Variants in FANCC observed in about 807,000 individuals in gnomAD.
FANCC encodes Fanconi anemia group C protein.
FANCC carries 55 observed loss-of-function variants against 71.3 expected under a neutral mutation model. That is an observed-to-expected ratio of 0.77 (90% confidence interval 0.62 to 0.97). FANCC has a LOEUF of 0.97. FANCC is among the 50% of genes least tolerant of loss of function. FANCC has a pLI of 0.00. For synonymous variants in FANCC, 275 were observed against 244.9 expected, an observed-to-expected ratio of 1.12 and a Z score of -1.15; for missense variants, 678 against 670.9, an observed-to-expected ratio of 1.01 and a Z score of -0.12.
At chr9:95,203,932 C>G (rs1279129539) in intron 4 of FANCC, among the ~76,000 whole-genome samples, 1 of 152,128 alleles carries the variant, frequency 6.6e-6, no homozygotes, top group Non-Finnish European at 1.5e-5. Context: ...ACCTTGTAGG[C>G]CTCCTGAAAT....
intron 1 of FANCC, among the ~76,000 whole-genome samples, chr9:95,255,325 G>A (rs765015541): frequency 2.0e-5 from 3 of 152,030 alleles, no homozygotes; most frequent in Non-Finnish European, 4.4e-5. Context: ...GGCAACTGGC[G>A]GGTGCCCCTC....
At chr9:95,163,171 C>T (rs922003611) in intron 6 of FANCC, among the ~76,000 whole-genome samples, 3 of 152,130 alleles carry the variant, frequency 2.0e-5, no homozygotes, top group East Asian at 3.9e-4. Flanking sequence ...GTTTTCCCAA[C>T]ACCAATTATT....
chr9:95,238,713 G>C (rs1202233577), intron 4 of FANCC, among the ~76,000 whole-genome samples: 20 of 151,976 alleles, frequency 1.3e-4, no homozygotes, highest in Admixed American at 1.2e-3. Context: ...GTACAGGCAC[G>C]TGCCACCATT....
chr9:95,227,815 T>C (rs1171249412), intron 4 of FANCC, among the ~76,000 whole-genome samples: 1 of 152,200 alleles, frequency 6.6e-6, no homozygotes, highest in Non-Finnish European at 1.5e-5. Context: ...CCATTCTTCT[T>C]ATCATTAGCA....
At chr9:95,259,647 C>T (rs1831898965) in intron 1 of FANCC, among the ~76,000 whole-genome samples, 1 of 152,262 alleles carries the variant, frequency 6.6e-6, no homozygotes, top group South Asian at 2.1e-4. Flanking sequence ...GACTTCATGA[C>T]TAAAATACCA....
chr9:95,238,928 A>G (rs1011767427), intron 4 of FANCC, among the ~76,000 whole-genome samples: 3 of 152,152 alleles, frequency 2.0e-5, no homozygotes, highest in Non-Finnish European at 2.9e-5. Flanking sequence ...CTATAGTCAT[A>G]TGCAAGGACT....
intron 4 of FANCC, among the ~76,000 whole-genome samples, chr9:95,234,464 T>C (rs1830183910): frequency 6.6e-6 from 1 of 152,226 alleles, no homozygotes; most frequent in Admixed American, 6.5e-5. Context: ...TGTGTTTTAG[T>C]GAAACCTGAC....
intron 4 of FANCC, among the ~76,000 whole-genome samples, chr9:95,217,964 T>A (rs1408616061): frequency 6.6e-6 from 1 of 152,192 alleles, no homozygotes; most frequent in African/African-American, 2.4e-5. Context: ...TTAAAGGATG[T>A]TATATCAATA....
chr9:95,243,275 G>A (rs980691886), intron 3 of FANCC, among the ~76,000 whole-genome samples: 42 of 152,256 alleles, frequency 2.8e-4, no homozygotes, highest in African/African-American at 1.0e-3. Flanking sequence ...ATTTCAGAAG[G>A]TGAAGGCAGT....
chr9:95,121,650 G>A (rs3780564), intron 10 of FANCC, among the ~76,000 whole-genome samples: 58,051 of 152,022 alleles, frequency 0.38, 11,673 homozygotes, highest in East Asian at 0.58. Context: ...ATGCATAACA[G>A]TACTTCCCCA....
At chr9:95,266,485 T>C (rs1401195258) in intron 1 of FANCC, among the ~76,000 whole-genome samples, 1 of 152,220 alleles carries the variant, frequency 6.6e-6, no homozygotes, top group Non-Finnish European at 1.5e-5. Context: ...GGCAATCTCT[T>C]AGCTCAAACA....
At chr9:95,279,862 C>T (rs750553703) in intron 1 of FANCC, among the ~76,000 whole-genome samples, 2 of 148,328 alleles carry the variant, frequency 1.3e-5, no homozygotes, top group Non-Finnish European at 3.0e-5. Flanking sequence ...GCAGGAGAAT[C>T]GCTTGAACCT....
At position 95,299,237 on chromosome 9, in the gene FANCC, A is replaced by G. The variant is rs1834578102; in HGVS notation, c.-79+18289T>C. On this transcript the variant is annotated intron_variant, in intron 1 of 14. Transcript: ENST00000289081. Reference sequence around the variant, plus strand: ...AACTGCACAATATCAAAATCCCTATAATTTGTAATGAGCAATAAGAAAACT... The same window carrying G: ...AACTGCACAATATCAAAATCCCTATGATTTGTAATGAGCAATAAGAAAACT... 4.6e-5 allele frequency among the ~76,000 whole-genome samples: 7 copies of G among 152,228 alleles called. No homozygotes were observed. In the South Asian group the frequency reaches 1.5e-3, roughly 32 times the overall value.
At chr9:95,189,812 T>C (rs879591900) in intron 4 of FANCC, among the ~76,000 whole-genome samples, 16 of 152,294 alleles carry the variant, frequency 1.1e-4, no homozygotes, top group Middle Eastern at 3.4e-3. Context: ...GTGTAAAACC[T>C]TGGCCCTTGT....
At chr9:95,102,230 C>G (rs1290676501) in intron 14 of FANCC, among the ~76,000 whole-genome samples, 2 of 152,242 alleles carry the variant, frequency 1.3e-5, no homozygotes, top group Non-Finnish European at 2.9e-5. Flanking sequence ...TGTGGCTTGA[C>G]TTTCTGCAAA....
chr9:95,192,894 T>C (rs1293721035), intron 4 of FANCC, among the ~76,000 whole-genome samples: 2 of 152,218 alleles, frequency 1.3e-5, no homozygotes, highest in East Asian at 1.9e-4. Context: ...ACCAACTACA[T>C]AGTACTACAT....
At chr9:95,281,909 T>C (rs1248955192) in intron 1 of FANCC, among the ~76,000 whole-genome samples, 1 of 148,638 alleles carries the variant, frequency 6.7e-6, no homozygotes, top group Non-Finnish European at 1.5e-5. Flanking sequence ...AAGCCTATAA[T>C]AGATACACTA....
At chr9:95,166,196 T>C (rs550023121) in intron 6 of FANCC, among the ~76,000 whole-genome samples, 21 of 152,200 alleles carry the variant, frequency 1.4e-4, no homozygotes, top group South Asian at 6.2e-4. Context: ...ATCTTTTGAA[T>C]GGGGTGTTTA....
Position 95,304,665 on chromosome 9 carries a change from C to T in FANCC, c.-79+12861G>A, listed in dbSNP as rs541795245. ...CTTTGGAGGCTGAGACACAAGAATC[C>T]CTTGAACCTGGGAGGCGGAGGTTGC... On this transcript the variant is annotated intron_variant, in intron 1 of 14. Coordinates refer to ENST00000289081, the MANE Select transcript of FANCC (RefSeq NM_000136.3). Among the ~76,000 whole-genome samples, 5 of 149,898 alleles carry T rather than the reference C, an allele frequency of 3.3e-5. No homozygotes were observed. The East Asian group carries it at 9.9e-4, about 30-fold the overall frequency.
Sources: gnomAD v4.1 joint callset for allele counts (sites outside exome capture counted in the v4.1 genomes callset) on GRCh38, gnomAD v4.1.1 for gene constraint, MANE v1.5 for transcripts, NCBI Gene and HGNC (gene_info 2026-07-23, HGNC 2026-07-21) for gene names.